The following HOXA9 variants were observed in gnomAD, a reference collection of about 807,000 sequenced individuals.
HOXA9 encodes homeobox protein Hox-A9.
HOXA9 carries 18 observed loss-of-function variants against 19.0 expected under a neutral mutation model. The ratio of observed to expected loss-of-function variants is 0.95; its 90% CI spans 0.65 to 1.40. HOXA9 has a LOEUF of 1.40. Among genes scored for constraint, HOXA9 ranks in the 40% most tolerant of loss-of-function variants. The probability of loss-of-function intolerance (pLI) is 0.00; values close to 1 mark genes in which losing one functional copy is unlikely to be tolerated. For synonymous variants in HOXA9, 198 were observed against 161.1 expected (o/e 1.23, Z -1.73); for missense variants, 443 against 372.2 (o/e 1.19, Z -1.57).
Position 27,163,486 on chromosome 7 carries a change from T to C in HOXA9, c.*117A>G. The stretch of plus-strand genomic sequence containing the variant: ...TGGCCTGAGGTTTAGAGCCGCTTTG[T>C]GCGGGGATGGTGGAGGCTAGGGTGG... On this transcript the variant is annotated 3_prime_UTR_variant, in exon 2 of 2. Transcript: ENST00000343483. The C allele has an allele frequency of 1.2e-6, 1 of 850,300 alleles. No individual in the cohort carries two copies. Among genetic ancestry groups the C allele is most frequent in the South Asian group, 1.6e-5 (1 of 61,240 alleles). The allele number at this position is 850,300 out of a possible 1,614,324, so 52.7% of individuals were successfully genotyped here. A position where few individuals can be genotyped will look rare whatever the true frequency, so the allele number is the denominator to read the frequency against.
Position 27,163,179 on chromosome 7 carries a change from G to C in HOXA9, c.*424C>G, listed in dbSNP as rs368820871. On this transcript the variant is annotated 3_prime_UTR_variant, in exon 2 of 2. Transcript: ENST00000343483. Reference sequence around the variant, plus strand: ...AAGTATCTTGGCAGAGCAATCTGCCGCACAAACTGCAAATTAAATTAACTA... The same window carrying C: ...AAGTATCTTGGCAGAGCAATCTGCCCCACAAACTGCAAATTAAATTAACTA... 4.4e-6 allele frequency: 1 copy of C among 229,794 alleles called. No individual in the cohort carries two copies. Among genetic ancestry groups the C allele is most frequent in the Non-Finnish European group, 8.6e-6 (1 of 116,064 alleles). The allele number at this position is 229,794 out of a possible 1,614,324, so 14.2% of individuals were successfully genotyped here.
In HOXA9 at chr7:27,162,562, C is replaced by T. The variant is rs1291932006; in HGVS notation, c.*1041G>A. On this transcript the variant is annotated 3_prime_UTR_variant, in exon 2 of 2. Transcript: ENST00000343483. ...AGTGTAAGTTCAGTCTGATGGAAAC[C>T]CCAGATTCATCAAGGATACAAATCT... 4.7e-6 allele frequency: 1 copy of T among 213,684 alleles called. No individual in the cohort carries two copies. Among genetic ancestry groups the T allele is most frequent in the Non-Finnish European group, 9.5e-6 (1 of 105,704 alleles). 13.2% of individuals were successfully genotyped at this position (213,684 alleles called of 1,614,324 possible).
rs996761524 is a variant in HOXA9 at position 27,163,482 on chromosome 7, T to C, written c.*121A>G. The C allele has an allele frequency of 2.8e-5, 23 of 832,948 alleles. No individual in the cohort carries two copies. Among genetic ancestry groups the C allele is most frequent in the South Asian group, 5.0e-5 (3 of 60,234 alleles). The allele number at this position is 832,948 out of a possible 1,614,324, so 51.6% of individuals were successfully genotyped here. ...GATGTGGCCTGAGGTTTAGAGCCGC[T>C]TTGTGCGGGGATGGTGGAGGCTAGG... is the stretch of plus-strand genomic sequence containing the variant. On this transcript the variant is annotated 3_prime_UTR_variant, in exon 2 of 2. Coordinates refer to ENST00000343483, the MANE Select transcript of HOXA9 (RefSeq NM_152739.4).
rs1471013536 is a variant in HOXA9 at position 27,165,441 on chromosome 7, G to A, written c.17C>T (p.Ala6Val). 3 of 1,605,634 alleles carry A rather than the reference G, an allele frequency of 1.9e-6. No individual in the cohort carries two copies. Among genetic ancestry groups the A allele is most frequent in the African/African-American group, 1.3e-5 (1 of 74,340 alleles). Reference sequence around the variant, plus strand: ...CGAGTCCACGTAGTAGTTGCCCAGGGCCCCAGTGGTGGCCATCACCGTGCC... The same window carrying A: ...CGAGTCCACGTAGTAGTTGCCCAGGACCCCAGTGGTGGCCATCACCGTGCC... MATTG[A>V]LGNYYVDSFL... Residue 6 changes from alanine (A) to valine (V), a missense_variant, in exon 1 of 2, where the codon GCC becomes GTC. Transcript: ENST00000343483.
intron 1 of HOXA9, 133 bp from the exon 2 acceptor site, chr7:27,163,974 C>T (rs1033378979): frequency 1.2e-5 from 9 of 720,644 alleles, no homozygotes; most frequent in East Asian, 2.5e-5. Flanking sequence ...AGTCAGGCCT[C>T]GGACACAATG....
chr7:27,163,327 C>T lies in HOXA9; in HGVS notation c.*276G>A, dbSNP rs779788025. ...AAAAATATATATACAAGCTAACACACACAGCTATCAGCACTAATGCCCCCC... is the reference window on the plus strand; with the variant it reads ...AAAAATATATATACAAGCTAACACATACAGCTATCAGCACTAATGCCCCCC... On this transcript the variant is annotated 3_prime_UTR_variant, in exon 2 of 2. Transcript: ENST00000343483. 3.7e-4 allele frequency: 151 copies of T among 408,216 alleles called. 1 individual carries two copies. Among genetic ancestry groups the T allele is most frequent in the Non-Finnish European group, 5.8e-4 (133 of 228,474 alleles). The allele number at this position is 408,216 out of a possible 1,614,324, so 25.3% of individuals were successfully genotyped here.
rs371528874 is a variant in HOXA9 at position 27,163,848 on chromosome 7, G to C, written c.581-7C>G. 8.1e-6 allele frequency: 13 copies of C among 1,611,464 alleles called. No individual in the cohort carries two copies. The South Asian group carries it at 1.4e-4, about 18-fold the overall frequency. On this transcript the variant is annotated splice_region_variant and splice_polypyrimidine_tract_variant and intron_variant, in intron 1 of 1. Transcript: ENST00000343483. ...CAGTTGGCTGCTGGGTTATCTGCGG[G>C]GAAGAGAAACACTGGGTTTAGGAGC...
Position 27,165,460 on chromosome 7 carries a change from C to A in HOXA9, c.-3G>T. 6.3e-7 allele frequency: 1 copy of A among 1,588,018 alleles called. No individual in the cohort carries two copies. The highest frequency in any genetic ancestry group is 1.1e-5 in the South Asian group (1 of 88,328). On this transcript the variant is annotated 5_prime_UTR_variant, in exon 1 of 2. Coordinates refer to ENST00000343483, the MANE Select transcript of HOXA9 (RefSeq NM_152739.4). ...CCCAGGGCCCCAGTGGTGGCCATCACCGTGCCCAGCGCCTGGCCCGCCCGG... is the reference window on the plus strand; with the variant it reads ...CCCAGGGCCCCAGTGGTGGCCATCAACGTGCCCAGCGCCTGGCCCGCCCGG...
chr7:27,163,661 A>C lies in HOXA9; in HGVS notation c.761T>G (p.Phe254Cys). ...CTTCATTTTCATCCTGCGGTTCTGG[A>C]ACCAGATCTTGACCTGCCTCTCGGT... ...NLTERQVKIW[F>C]QNRRMKMKKI... The change falls in exon 2 of 2, where the codon TTC becomes TGC. Residue 254 changes from phenylalanine (F) to cysteine (C), a missense_variant. By Grantham distance (205) the Phe-to-Cys change is radical. Coordinates refer to ENST00000343483, the MANE Select transcript of HOXA9 (RefSeq NM_152739.4). The C allele has an allele frequency of 6.2e-7, 1 of 1,612,174 alleles. No homozygotes were observed. Among genetic ancestry groups the C allele is most frequent in the Non-Finnish European group, 8.5e-7 (1 of 1,179,644 alleles).
Position 27,165,323 on chromosome 7 carries a change from C to A in HOXA9, c.135G>T (p.Leu45=). 1.3e-6 allele frequency: 2 copies of A among 1,576,392 alleles called. No individual in the cohort carries two copies. The highest frequency in any genetic ancestry group is 1.7e-6 in the Non-Finnish European group (2 of 1,162,862). Reference sequence around the variant, plus strand: ...ACGGGCTGAAGTCGGGGTGCTCGGCCAGCGTCGCCGCCTGCCGGGGAGGCT... The same window carrying A: ...ACGGGCTGAAGTCGGGGTGCTCGGCAAGCGTCGCCGCCTGCCGGGGAGGCT... ...LGQPPRQAAT[L]AEHPDFSPCS... The change falls in exon 1 of 2, where the codon CTG becomes CTT. Residue 45 remains leucine (L), a synonymous_variant. Transcript: ENST00000343483.
rs1479161545 is a variant in HOXA9, at chr7:27,162,746, T to A, written c.*857A>T. 1 of 208,660 alleles carries A rather than the reference T, an allele frequency of 4.8e-6. No individual in the cohort carries two copies. The highest frequency in any genetic ancestry group is 9.8e-6 in the Non-Finnish European group (1 of 102,394). The allele number at this position is 208,660 out of a possible 1,614,324, so 12.9% of individuals were successfully genotyped here. On this transcript the variant is annotated 3_prime_UTR_variant, in exon 2 of 2. Transcript: ENST00000343483. ...GCTCCGAATTTCCTCACTGTTCGTCTGGTGCAAAAACAATATTCAAGCTTG... is the reference window on the plus strand; with the variant it reads ...GCTCCGAATTTCCTCACTGTTCGTCAGGTGCAAAAACAATATTCAAGCTTG...
At chr7:27,164,340 C>T (rs560054182) in intron 1 of HOXA9, among the ~76,000 whole-genome samples, 152 of 152,352 alleles carry the variant, frequency 1.0e-3, no homozygotes, top group Admixed American at 2.0e-3. Flanking sequence ...CCGCTGATCA[C>T]GTCTGTGGCT....
intron 1 of HOXA9, 33 bp downstream of exon 1, chr7:27,164,845 G>A (rs1783282850): frequency 2.5e-6 from 4 of 1,589,848 alleles, no homozygotes; most frequent in Non-Finnish European, 3.4e-6. Flanking sequence ...CGGCGTGGAG[G>A]CGGCGGCGGA....
At position 27,163,611 on chromosome 7, in the gene HOXA9, C is replaced by T. The variant is rs750730778; in HGVS notation, c.811G>A (p.Asp271Asn). The T allele has an allele frequency of 2.5e-6, 4 of 1,611,616 alleles. No individual in the cohort carries two copies. Among genetic ancestry groups the T allele is most frequent in the Non-Finnish European group, 3.4e-6 (4 of 1,178,466 alleles). Residue 271 changes from aspartate to asparagine, a missense_variant, in exon 2 of 2, where the codon GAC (aspartate) becomes AAC (asparagine). Transcript: ENST00000343483. ...AATAAGCCCAAATGGCATCACTCGT[C>T]TTTTGCTCGGTCTTTGTTGATTTTC... ...MKKINKDRAKDE is the reference protein window; with the variant it reads ...MKKINKDRAKNE
chr7:27,163,884 C>T, intron 1 of HOXA9, 43 bp from the exon 2 acceptor site: 10 of 1,534,180 alleles, frequency 6.5e-6, no homozygotes, highest in Non-Finnish European at 9.0e-6. Flanking sequence ...AGAAGACGCA[C>T]ATCCCGCTGG....
chr7:27,164,809 C>G, intron 1 of HOXA9, 69 bp downstream of exon 1: 1 of 1,563,862 alleles, frequency 6.4e-7, no homozygotes, highest in Non-Finnish European at 8.7e-7. Context: ...CGAGAGAAAC[C>G]TGGCGGGCCA....
rs1783247359 is a variant in HOXA9, at chr7:27,163,542, A to G, written c.*61T>C. The G allele has an allele frequency of 4.6e-6, 6 of 1,297,236 alleles. No homozygotes were observed. The highest frequency in any genetic ancestry group is 1.5e-5 in the African/African-American group (1 of 67,398). 80.4% of individuals were successfully genotyped at this position (1,297,236 alleles called of 1,614,324 possible). A position where few individuals can be genotyped will look rare whatever the true frequency, so the allele number is the denominator to read the frequency against. On this transcript the variant is annotated 3_prime_UTR_variant, in exon 2 of 2. Coordinates refer to ENST00000343483, the MANE Select transcript of HOXA9 (RefSeq NM_152739.4). ...AGAGAAGGGAGAAGGCGGAAGGGGG[A>G]CGGACAGTTCTTTCTTTTTCTCTCT...
rs368150554 is a variant in HOXA9 at position 27,164,847 on chromosome 7, G to A, written c.580+31C>T. On this transcript the variant is annotated intron_variant, in intron 1 of 1. Coordinates refer to ENST00000343483, the MANE Select transcript of HOXA9 (RefSeq NM_152739.4). ...AGATCCGGGAGGCCGGCGTGGAGGC[G>A]GCGGCGGATTTGAAGGGAGGAGACA... 3.8e-6 allele frequency: 6 copies of A among 1,591,130 alleles called. No individual in the cohort carries two copies. The African/African-American group carries it at 8.1e-5, about 21-fold the overall frequency.
rs199550076 is a variant in HOXA9 at position 27,164,987 on chromosome 7, A to G, written c.471T>C (p.Tyr157=). ...TATCAACTGGAGGAGAACCACAAGC[A>G]TAGTCAGTCAGGGACAAAGTGTGAG... ...LDTHTLSLTD[Y]ACGSPPVDRE... The change falls in exon 1 of 2, where the codon TAT becomes TAC. Residue 157 remains tyrosine (Y), a synonymous_variant. Transcript: ENST00000343483. The G allele has an allele frequency of 2.5e-6, 4 of 1,614,254 alleles. No homozygotes were observed. Among genetic ancestry groups the G allele is most frequent in the Admixed American group, 3.3e-5 (2 of 60,030 alleles).
Sources: allele counts gnomAD v4.1 joint callset (sites outside exome capture counted in the v4.1 genomes callset), GRCh38; gene constraint gnomAD v4.1.1; transcripts MANE v1.5; gene names NCBI Gene and HGNC (gene_info 2026-07-23, HGNC 2026-07-21).